CSMD1: variants seen among roughly 807,000 people sequenced by gnomAD.
CSMD1 encodes CUB and Sushi multiple domains 1.
CSMD1 carries 213 observed loss-of-function variants against 417.5 expected under a neutral mutation model. The ratio of observed to expected loss-of-function variants is 0.51; its 90% CI spans 0.46 to 0.57. CSMD1 has a LOEUF of 0.57. CSMD1 is among the 20% of genes least tolerant of loss of function. The pLI is 0.00. For missense variants in CSMD1, 6,923 were observed against 4,529.7 expected, an observed-to-expected ratio of 1.53 and a Z score of -15.17; for synonymous variants, 2,862 against 1,736.8, an observed-to-expected ratio of 1.65 and a Z score of -16.11.
intron 5 of CSMD1, among the ~76,000 whole-genome samples, chr8:3,959,407 G>A (rs566293986): frequency 6.6e-6 from 1 of 152,306 alleles, no homozygotes; most frequent in Non-Finnish European, 1.5e-5. Flanking sequence ...GCTGAAGTGG[G>A]AAGATCACTT....
intron 3 of CSMD1, among the ~76,000 whole-genome samples, chr8:4,193,867 G>C (rs549039127): frequency 1.3e-5 from 2 of 152,076 alleles, no homozygotes; most frequent in Non-Finnish European, 1.5e-5. Flanking sequence ...TCAGCACCGA[G>C]AAGCCTCAGC....
intron 52 of CSMD1, among the ~76,000 whole-genome samples, chr8:3,008,162 A>G (rs1808097482): frequency 6.6e-6 from 1 of 152,212 alleles, no homozygotes; most frequent in South Asian, 2.1e-4. Flanking sequence ...AGTATGTCGC[A>G]AGCAAAATGT....
chr8:3,213,937 C>T (rs1468325917), intron 30 of CSMD1, among the ~76,000 whole-genome samples: 1 of 151,462 alleles, frequency 6.6e-6, no homozygotes, highest in Non-Finnish European at 1.5e-5. Context: ...AGCTCACTGC[C>T]CAGGTTCAAG....
chr8:4,777,594 G>C (rs905193300), intron 1 of CSMD1, among the ~76,000 whole-genome samples: 6 of 152,188 alleles, frequency 3.9e-5, no homozygotes, highest in Non-Finnish European at 7.3e-5. Context: ...TGTGCAGTAA[G>C]AATGTACATA....
intron 25 of CSMD1, among the ~76,000 whole-genome samples, chr8:3,287,991 T>C (rs980748776): frequency 5.4e-5 from 8 of 147,182 alleles, no homozygotes; most frequent in Non-Finnish European, 1.0e-4. Flanking sequence ...ATACCTTATT[T>C]ATTGAGAGTT....
intron 3 of CSMD1, among the ~76,000 whole-genome samples, chr8:4,120,731 A>C (rs984282876): frequency 5.9e-5 from 9 of 152,338 alleles, no homozygotes; most frequent in African/African-American, 1.9e-4. Flanking sequence ...CATGCAGAGA[A>C]TGTCAGGCTC....
At chr8:4,991,718 C>T (rs148763888) in intron 1 of CSMD1, among the ~76,000 whole-genome samples, 2,018 of 152,294 alleles carry the variant, frequency 0.013, 47 homozygotes, top group African/African-American at 0.043. Context: ...CCTTGGTCAC[C>T]CGGGCTTTGC....
At chr8:4,243,348 T>C (rs1802512780) in intron 3 of CSMD1, among the ~76,000 whole-genome samples, 2 of 152,154 alleles carry the variant, frequency 1.3e-5, no homozygotes, top group African/African-American at 4.8e-5. Context: ...TTTGAAAACC[T>C]ATGCAATGCC....
chr8:3,743,181 C>T (rs1796899267), intron 6 of CSMD1, among the ~76,000 whole-genome samples: 1 of 152,200 alleles, frequency 6.6e-6, no homozygotes, highest in Admixed American at 6.5e-5. Flanking sequence ...TACTGTGCTA[C>T]ACGACTCTTT....
At position 3,314,668 on chromosome 8, in the gene CSMD1, A is replaced by C. The variant is rs529403971; in HGVS notation, c.3632-6165T>G. Among the ~76,000 whole-genome samples the C allele has an allele frequency of 1.7e-3, 259 of 152,350 alleles. 1 individual carries two copies. The highest frequency in any genetic ancestry group is 5.8e-3 in the African/African-American group (241 of 41,580). On this transcript the variant is annotated intron_variant, in intron 23 of 69. Transcript: ENST00000635120. ...AATGTTCTAATCAAAACAAGCTCCA[A>C]ACATTCAGCTGATGAAAATTACTTC... is the stretch of plus-strand genomic sequence containing the variant.
intron 2 of CSMD1, among the ~76,000 whole-genome samples, chr8:4,600,605 A>C (rs1263089492): frequency 6.6e-6 from 1 of 152,222 alleles, no homozygotes; most frequent in Non-Finnish European, 1.5e-5. Context: ...CAAATTCAAC[A>C]TCAAACCTTA....
At chr8:3,278,926 G>A (rs1802518709) in intron 26 of CSMD1, 1 of 152,160 alleles carries the variant, frequency 6.6e-6, no homozygotes, top group African/African-American at 2.4e-5. Flanking sequence ...GGGTAACTGG[G>A]TCAGTTTCTT....
At chr8:3,259,625 C>T (rs904418813) in intron 26 of CSMD1, among the ~76,000 whole-genome samples, 2 of 152,052 alleles carry the variant, frequency 1.3e-5, no homozygotes, top group Non-Finnish European at 2.9e-5. Context: ...CAAATTCCTC[C>T]TCGAGATTTT....
At chr8:3,814,931 TCTG>T (rs1196792475) in intron 5 of CSMD1, among the ~76,000 whole-genome samples, 1 of 152,156 alleles carries the variant, frequency 6.6e-6, no homozygotes, top group Non-Finnish European at 1.5e-5. Context: ...TCTCATTACT[TCTG>T]AAGTCAGCCA....
At chr8:3,680,264 G>A (rs1294810097) in intron 7 of CSMD1, among the ~76,000 whole-genome samples, 1 of 152,060 alleles carries the variant, frequency 6.6e-6, no homozygotes, top group Non-Finnish European at 1.5e-5. Flanking sequence ...TTTTTGAAAA[G>A]ATCAACAAAA....
At chr8:3,797,121 A>C (rs948667230) in intron 5 of CSMD1, among the ~76,000 whole-genome samples, 1 of 152,096 alleles carries the variant, frequency 6.6e-6, no homozygotes, top group East Asian at 1.9e-4. Context: ...TAAGTAAATA[A>C]TGAAGTATAC....
rs777001275 is a variant in CSMD1, at chr8:3,031,105, C to G, written c.7661-1592G>C. On this transcript the variant is annotated intron_variant, in intron 50 of 69. Transcript: ENST00000635120. ...TTTTTCTCCAGCCAAAATACTCTTA[C>G]AATTTCTAGCAAAACTGTTTCTGAA... Among the ~76,000 whole-genome samples the G allele has an allele frequency of 7.2e-5, 11 of 152,048 alleles. No homozygotes were observed. The South Asian group carries it at 2.3e-3, about 32-fold the overall frequency.
chr8:4,130,711 C>G (rs1187740595), intron 3 of CSMD1, among the ~76,000 whole-genome samples: 1 of 131,020 alleles, frequency 7.6e-6, no homozygotes, highest in Admixed American at 7.8e-5. Flanking sequence ...GAGTAGATAA[C>G]ACATGAAAGT....
At chr8:3,388,975 C>T (rs1811182378) in intron 17 of CSMD1, among the ~76,000 whole-genome samples, 1 of 151,756 alleles carries the variant, frequency 6.6e-6, no homozygotes, top group Non-Finnish European at 1.5e-5. Context: ...TGACTTCTTC[C>T]AGGACACTCC....
Sources: gnomAD v4.1 joint callset for allele counts (sites outside exome capture counted in the v4.1 genomes callset) on GRCh38, gnomAD v4.1.1 for gene constraint, MANE v1.5 for transcripts, NCBI Gene and HGNC (gene_info 2026-07-23, HGNC 2026-07-21) for gene names.